SMC1B: variants seen among roughly 807,000 people sequenced by gnomAD.
The protein encoded by SMC1B is structural maintenance of chromosomes 1B, also known as structural maintenance of chromosomes protein 1B.
In SMC1B, 60 loss-of-function variants were observed where a neutral mutation model predicts 157.9. The observed-to-expected ratio is 0.38, with a 90% CI of 0.31 to 0.47. SMC1B has a LOEUF of 0.47. SMC1B is among the 20% of genes least tolerant of loss of function. SMC1B has a pLI of 0.99. For missense variants in SMC1B, 1,165 were observed against 1,426.2 expected, an observed-to-expected ratio of 0.82 and a Z score of 2.95; for synonymous variants, 445 against 483.0, an observed-to-expected ratio of 0.92 and a Z score of 1.03.
intron 9 of SMC1B, among the ~76,000 whole-genome samples, chr22:45,391,172 A>G (rs1286429641): frequency 6.6e-6 from 1 of 151,902 alleles, no homozygotes; most frequent in Non-Finnish European, 1.5e-5. Flanking sequence ...ATAGGCGCAC[A>G]CCATCACGCC....
At chr22:45,409,375 C>T (rs1341345916) in intron 1 of SMC1B, among the ~76,000 whole-genome samples, 5 of 151,964 alleles carry the variant, frequency 3.3e-5, no homozygotes, top group Non-Finnish European at 5.9e-5. Context: ...ACTAGCCTGG[C>T]CAACACGGTG....
chr22:45,411,681 G>A (rs1251733414), intron 1 of SMC1B, among the ~76,000 whole-genome samples: 1 of 152,132 alleles, frequency 6.6e-6, no homozygotes, highest in East Asian at 1.9e-4. Flanking sequence ...CTGCCTCCCA[G>A]GTTCAAGCGA....
chr22:45,358,423 G>A (rs2086689703), intron 19 of SMC1B, among the ~76,000 whole-genome samples: 1 of 152,250 alleles, frequency 6.6e-6, no homozygotes, highest in East Asian at 1.9e-4. Flanking sequence ...GGGATCTGAT[G>A]CTAACTCCAG....
At chr22:45,347,960 C>G (rs548386959) in intron 23 of SMC1B, among the ~76,000 whole-genome samples, 1 of 152,268 alleles carries the variant, frequency 6.6e-6, no homozygotes, top group Admixed American at 6.5e-5. Flanking sequence ...CTCTGCAGGC[C>G]GGTGCTGCCC....
Position 45,399,229 on chromosome 22 carries a change from A to G in SMC1B, c.979T>C (p.Ser327Pro). 6.2e-7 allele frequency: 1 copy of G among 1,614,114 alleles called. No individual in the cohort carries two copies. The highest frequency in any genetic ancestry group is 1.7e-4 in the Middle Eastern group (1 of 6,060). The change falls in exon 6 of 25, where the codon TCT becomes CCT. Residue 327 changes from serine to proline, a missense_variant. By Grantham distance (74) the Ser-to-Pro change is moderately conservative. Transcript: ENST00000357450. ...KSIKDSEKQC[S>P]KQEDDIKALE... ...GCTTTTATATCATCTTCCTGTTTAG[A>G]ACATTGTTTTTCGCTGTCCTTTATT...
chr22:45,410,667 T>C (rs1029555598), intron 1 of SMC1B, among the ~76,000 whole-genome samples: 8 of 152,138 alleles, frequency 5.3e-5, no homozygotes, highest in Non-Finnish European at 1.2e-4. Context: ...TACACCACTG[T>C]ACTCCAGCCT....
At chr22:45,402,602 A>G in intron 4 of SMC1B, 31 bp from the exon 5 acceptor site, 2 of 1,501,448 alleles carry the variant, frequency 1.3e-6, no homozygotes, top group Non-Finnish European at 1.8e-6. Context: ...ACAGCAGTTA[A>G]AAGGGAGTGT....
At chr22:45,362,135 C>A in intron 16 of SMC1B, 151 bp from the exon 17 acceptor site, 1 of 679,728 alleles carries the variant, frequency 1.5e-6, no homozygotes, top group Non-Finnish European at 2.3e-6. Context: ...CTGTGACTCA[C>A]GTTCTACACT....
chr22:45,369,931 CCAA>C lies in SMC1B; in HGVS notation c.2420+20_2420+22del. On this transcript the variant is annotated intron_variant, in intron 15 of 24. Transcript: ENST00000357450. ...TTTTTATAAATATGTAAGCTCCTTA[CCAA>C]CATCTTTTTATAAAAATACCTTTTT... is the stretch of plus-strand genomic sequence containing the variant. The C allele has an allele frequency of 1.6e-6, 2 of 1,288,944 alleles. No homozygotes were observed. The highest frequency in any genetic ancestry group is 2.6e-5 in the South Asian group (2 of 76,198). The allele number at this position is 1,288,944 out of a possible 1,614,324, so 79.8% of individuals were successfully genotyped here. A position where few individuals can be genotyped will look rare whatever the true frequency, so the allele number is the denominator to read the frequency against.
intron 1 of SMC1B, among the ~76,000 whole-genome samples, chr22:45,409,680 T>A (rs568688086): frequency 6.6e-6 from 1 of 152,250 alleles, no homozygotes; most frequent in African/African-American, 2.4e-5. Context: ...TATGAGATGG[T>A]GCTACAGAAA....
chr22:45,393,736 T>A lies in SMC1B; in HGVS notation c.1443A>T (p.Arg481Ser), dbSNP rs1006774798. The change falls in exon 9 of 25, where the codon AGA becomes AGT. Residue 481 changes from arginine (R) to serine (S), a missense_variant. By Grantham distance (110) the Arg-to-Ser change is moderately radical (BLOSUM62 -1). Transcript: ENST00000357450. Reference protein sequence around the residue: ...SEVNEELNLIRSELQNAGIDT... With the variant: ...SEVNEELNLISSELQNAGIDT... ...CAATCCCAGCATTCTGCAATTCACT[T>A]CTAATAAGATTCAATTCTTCATTAA... is the stretch of plus-strand genomic sequence containing the variant. The A allele has an allele frequency of 6.2e-7, 1 of 1,614,002 alleles. No individual in the cohort carries two copies. Among genetic ancestry groups the A allele is most frequent in the Non-Finnish European group, 8.5e-7 (1 of 1,179,884 alleles).
Position 45,372,011 on chromosome 22 carries a change from C to G in SMC1B, c.2196+144G>C, listed in dbSNP as rs953479510. ...CGAACAGAAATAAAGCCACTGCACTCCAGCCTGGGTGACAGAGTGAGAGAC... is the reference window on the plus strand; with the variant it reads ...CGAACAGAAATAAAGCCACTGCACTGCAGCCTGGGTGACAGAGTGAGAGAC... On this transcript the variant is annotated intron_variant, in intron 13 of 24. Transcript: ENST00000357450. 9.1e-6 allele frequency: 6 copies of G among 658,756 alleles called. No individual in the cohort carries two copies. The Middle Eastern group carries it at 1.3e-3, about 146-fold the overall frequency. The allele number at this position is 658,756 out of a possible 1,614,324, so 40.8% of individuals were successfully genotyped here. A position where few individuals can be genotyped will look rare whatever the true frequency, so the allele number is the denominator to read the frequency against.
chr22:45,408,900 T>TG lies in SMC1B; in HGVS notation c.110-3dup. On this transcript the variant is annotated splice_region_variant and splice_polypyrimidine_tract_variant and intron_variant, in intron 1 of 24. Coordinates refer to ENST00000357450, the MANE Select transcript of SMC1B (RefSeq NM_148674.5). ...GTGCATCCATTACATTAGATTTTCCTGGGGAAGAAAAGAGATAAAACATTA... is the reference window on the plus strand; with the variant it reads ...GTGCATCCATTACATTAGATTTTCCTGGGGGAAGAAAAGAGATAAAACATTA... 6.7e-7 allele frequency: 1 copy of TG among 1,482,796 alleles called. No individual in the cohort carries two copies. The highest frequency in any genetic ancestry group is 9.0e-7 in the Non-Finnish European group (1 of 1,114,038). 91.9% of individuals were successfully genotyped at this position (1,482,796 alleles called of 1,614,324 possible). A position where few individuals can be genotyped will look rare whatever the true frequency, so the allele number is the denominator to read the frequency against.
intron 23 of SMC1B, among the ~76,000 whole-genome samples, chr22:45,345,985 C>T (rs2086547639): frequency 1.3e-5 from 2 of 151,984 alleles, no homozygotes; most frequent in Admixed American, 1.3e-4. Context: ...AGGCGGATCA[C>T]CAGAGGTCAG....
Position 45,389,893 on chromosome 22 carries a change from C to T in SMC1B, c.1550G>A (p.Gly517Glu), listed in dbSNP as rs992759288. 5.6e-6 allele frequency: 9 copies of T among 1,611,786 alleles called. No individual in the cohort carries two copies. Among genetic ancestry groups the T allele is most frequent in the Middle Eastern group, 1.7e-4 (1 of 6,056 alleles). Residue 517 changes from glycine to glutamate, a missense_variant, in exon 10 of 25, where the codon GGA becomes GAA. Physicochemically the swap from Gly to Glu is moderately conservative, Grantham distance 98. Transcript: ENST00000357450. The stretch of plus-strand genomic sequence containing the variant: ...AGGATGACACAGGTCAAATAGTCTT[C>T]CAAACTTAGCAGGTTTCAAAAAAGG... ...LKRLYPDSVF[G>E]RLFDLCHPIH... is the part of the protein sequence containing the mutation.
In SMC1B at chr22:45,398,795, C is replaced by T. The variant is rs184649049; in HGVS notation, c.1113+300G>A. Among the ~76,000 whole-genome samples, 677 of 152,226 alleles carry T rather than the reference C, an allele frequency of 4.4e-3. 2 individuals carry two copies. The highest frequency in any genetic ancestry group is 0.016 in the African/African-American group (649 of 41,532). On this transcript the variant is annotated intron_variant, in intron 6 of 24. Coordinates refer to ENST00000357450, the MANE Select transcript of SMC1B (RefSeq NM_148674.5). Reference sequence around the variant, plus strand: ...AGTGAGCCAAGACCACACCATTACACTCCAACCTGGGCAATAAGAGCGAAA... The same window carrying T: ...AGTGAGCCAAGACCACACCATTACATTCCAACCTGGGCAATAAGAGCGAAA...
At chr22:45,376,716 GT>G (rs77842489) in intron 12 of SMC1B, among the ~76,000 whole-genome samples, 15 of 99,054 alleles carry the variant, frequency 1.5e-4, no homozygotes, top group South Asian at 1.1e-3. Flanking sequence ...ATTAAATATA[GT>G]TTTTTTTTTC....
At chr22:45,402,301 C>G (rs772989213) in intron 5 of SMC1B, 32 bp downstream of exon 5, 1 of 1,441,608 alleles carries the variant, frequency 6.9e-7, no homozygotes, top group African/African-American at 1.4e-5. Context: ...TACATATAAC[C>G]CAACTGTTAA....
intron 5 of SMC1B, among the ~76,000 whole-genome samples, chr22:45,400,900 T>C (rs1328168564): frequency 6.6e-6 from 1 of 152,206 alleles, no homozygotes; most frequent in Non-Finnish European, 1.5e-5. Context: ...AGTCTAATTA[T>C]GTGAAAACCA....
Sources: allele counts gnomAD v4.1 joint callset (sites outside exome capture counted in the v4.1 genomes callset), GRCh38; gene constraint gnomAD v4.1.1; transcripts MANE v1.5; gene names NCBI Gene and HGNC (gene_info 2026-07-23, HGNC 2026-07-21).